The following SPMIP11 variants were observed in gnomAD, a reference collection of about 807,000 sequenced individuals.
The protein encoded by SPMIP11 is long intergenic non-protein coding RNA 935.
the SPMIP11 span, chr12:48,765,932 G>C: frequency 2.3e-6 from 1 of 431,192 alleles, no homozygotes; most frequent in Non-Finnish European, 4.2e-6. Context: ...CAAGGCACTG[G>C]AAAGAACCGC....
chr12:48,729,250 A>C, the SPMIP11 span, among the ~76,000 whole-genome samples: 1 of 151,636 alleles, frequency 6.6e-6, no homozygotes, highest in Non-Finnish European at 1.5e-5. Context: ...AAATACAAAA[A>C]AAGAGCCGGG....
the SPMIP11 span, among the ~76,000 whole-genome samples, chr12:48,733,054 C>T: frequency 2.8e-5 from 4 of 142,592 alleles, no homozygotes; most frequent in South Asian, 9.3e-4. Context: ...TATGTCTTCT[C>T]TTGATCCACA....
At chr12:48,741,069 CTTT>C in the SPMIP11 span, among the ~76,000 whole-genome samples, 642 of 112,486 alleles carry the variant, frequency 5.7e-3, 4 homozygotes, top group African/African-American at 0.02. Context: ...ATGATATTGA[CTTT>C]TTTTTTTTTT....
At chr12:48,741,304 G>A in the SPMIP11 span, among the ~76,000 whole-genome samples, 2 of 151,866 alleles carry the variant, frequency 1.3e-5, no homozygotes, top group Admixed American at 1.3e-4. Flanking sequence ...ACCCACCACA[G>A]CCTCCCAAAG....
At chr12:48,755,880 T>C in the SPMIP11 span, among the ~76,000 whole-genome samples, 459 of 147,368 alleles carry the variant, frequency 3.1e-3, 1 homozygote, top group South Asian at 0.015. Context: ...TCTTTCTTTT[T>C]TTTTTTTTTT....
the SPMIP11 span, among the ~76,000 whole-genome samples, chr12:48,759,826 G>T: frequency 1.3e-5 from 2 of 151,792 alleles, 1 homozygote; most frequent in South Asian, 4.2e-4. Flanking sequence ...ATTTTTTTTT[G>T]AGATGAGTCT....
At chr12:48,734,961 G>A in the SPMIP11 span, among the ~76,000 whole-genome samples, 1 of 130,260 alleles carries the variant, frequency 7.7e-6, no homozygotes, top group Non-Finnish European at 1.5e-5. Flanking sequence ...GCCGAGTAGC[G>A]CCACTGCACT....
chr12:48,755,078 G>A, the SPMIP11 span, among the ~76,000 whole-genome samples: 3 of 152,280 alleles, frequency 2.0e-5, no homozygotes, highest in African/African-American at 7.2e-5. Context: ...AGAGGCAATG[G>A]GCAAAGTAGT....
chr12:48,733,228 C>T, the SPMIP11 span, among the ~76,000 whole-genome samples: 4 of 151,788 alleles, frequency 2.6e-5, no homozygotes, highest in East Asian at 3.9e-4. Context: ...GCACCTGCCA[C>T]GCCACTTGGC....
chr12:48,738,722 G>T, the SPMIP11 span, among the ~76,000 whole-genome samples: 1 of 151,954 alleles, frequency 6.6e-6, no homozygotes, highest in Non-Finnish European at 1.5e-5. Flanking sequence ...CAGAGCAAGT[G>T]ATCAGAAAGA....
chr12:48,735,509 C>A, the SPMIP11 span, among the ~76,000 whole-genome samples: 1 of 152,024 alleles, frequency 6.6e-6, no homozygotes, highest in African/African-American at 2.4e-5. Context: ...CACTTGAACC[C>A]AGGAAGCAGA....
At chr12:48,734,605 T>C in the SPMIP11 span, among the ~76,000 whole-genome samples, 1 of 152,142 alleles carries the variant, frequency 6.6e-6, no homozygotes, top group Non-Finnish European at 1.5e-5. Flanking sequence ...TGAGTGTGGG[T>C]AGAACCTCTG....
the SPMIP11 span, among the ~76,000 whole-genome samples, chr12:48,754,739 C>T: frequency 6.6e-5 from 10 of 151,962 alleles, no homozygotes; most frequent in Non-Finnish European, 7.4e-5. Context: ...CGTGAGCCAC[C>T]GCGCCTGGCC....
At chr12:48,771,060 C>T in the SPMIP11 span, 3 of 1,258,486 alleles carry the variant, frequency 2.4e-6, no homozygotes, top group African/African-American at 4.4e-5. This position sits in a 1 kb window ranked among gnomAD's most constrained non-coding sequence, Gnocchi z 4.3. Flanking sequence ...CCTTGGCTGC[C>T]TTCCCCACTT....
At chr12:48,737,933 C>T in the SPMIP11 span, among the ~76,000 whole-genome samples, 1 of 152,052 alleles carries the variant, frequency 6.6e-6, no homozygotes, top group Non-Finnish European at 1.5e-5. Context: ...AGCGATGCTC[C>T]CAGCTCAGCC....
At chr12:48,749,032 C>T in the SPMIP11 span, among the ~76,000 whole-genome samples, 9 of 152,226 alleles carry the variant, frequency 5.9e-5, no homozygotes, top group East Asian at 1.5e-3. Context: ...GAGGCCAAGG[C>T]GGGTGGATCA....
chr12:48,744,813 GGAA>G, the SPMIP11 span, among the ~76,000 whole-genome samples: 26,620 of 149,154 alleles, frequency 0.18, 3,044 homozygotes, highest in South Asian at 0.29. Context: ...AGAAGAAAAA[GGAA>G]GAAGAAGAAG....
chr12:48,729,460 G>T, the SPMIP11 span, among the ~76,000 whole-genome samples: 5 of 152,016 alleles, frequency 3.3e-5, no homozygotes, highest in African/African-American at 1.2e-4. Context: ...CTTGAACCCA[G>T]GAAGTGGAGG....
the SPMIP11 span, among the ~76,000 whole-genome samples, chr12:48,763,824 A>AC: frequency 6.6e-6 from 1 of 151,428 alleles, no homozygotes; most frequent in Admixed American, 6.6e-5. Flanking sequence ...GATTACAGGC[A>AC]CCCCCCACGA....
Sources: allele counts gnomAD v4.1 joint callset (sites outside exome capture counted in the v4.1 genomes callset), GRCh38; gene constraint gnomAD v4.1.1; non-coding constraint Gnocchi (gnomAD v3.1); transcripts MANE v1.5; gene names NCBI Gene and HGNC (gene_info 2026-07-23, HGNC 2026-07-21).